STS: variants seen among roughly 807,000 people sequenced by gnomAD.
The protein encoded by STS is steroid sulfatase.
In STS, 7 loss-of-function variants were observed where a neutral mutation model predicts 26.8. The observed-to-expected ratio is 0.26, with a 90% CI of 0.15 to 0.49. STS has a LOEUF of 0.49. Among genes scored for constraint, STS ranks in the 20% least tolerant of loss-of-function variants. The pLI is 0.98. For synonymous variants in STS, 199 were observed against 189.4 expected, an observed-to-expected ratio of 1.05 and a Z score of -0.42; for missense variants, 434 against 465.6, an observed-to-expected ratio of 0.93 and a Z score of 0.63.
chrX:7,264,177 G>A (rs1280232347), intron 6 of STS, among the ~76,000 whole-genome samples: 1 of 111,499 alleles, frequency 9.0e-6, no homozygotes, highest in Admixed American at 9.5e-5. Flanking sequence ...AGTAACCATA[G>A]CTCCATCATG....
At position 7,352,172 on chromosome X, in the gene STS, C is replaced by G. The variant is rs1280414571; in HGVS notation, c.*1911C>G. ...GTCATGTGGAAACTATTTAAAGGCA[C>G]TATTATAAATTTATCCTATAAGATG... On this transcript the variant is annotated 3_prime_UTR_variant, in exon 11 of 11. Coordinates refer to ENST00000674429, the MANE Select transcript of STS (RefSeq NM_001320752.2). 6 of 111,616 alleles carry G rather than the reference C, an allele frequency of 5.4e-5. No homozygotes were observed. Among genetic ancestry groups the G allele is most frequent in the Admixed American group, 4.8e-4 (5 of 10,430 alleles). The allele number at this position is 111,616 out of a possible 1,213,427, so 9.2% of individuals were successfully genotyped here.
At chrX:7,209,430 A>G (rs1920977724) in intron 2 of STS, among the ~76,000 whole-genome samples, 2 of 105,980 alleles carry the variant, frequency 1.9e-5, no homozygotes. Context: ...TATACTTACT[A>G]TTATATAGTA....
intron 2 of STS, among the ~76,000 whole-genome samples, chrX:7,214,449 G>A (rs1921156636): frequency 8.9e-6 from 1 of 112,379 alleles, no homozygotes; most frequent in Non-Finnish European, 1.9e-5. Context: ...GGAAATCTGA[G>A]TCAGTACACT....
rs11385075 is a variant in STS, at chrX:7,193,451, C to CTT, written c.-5+2454_-5+2455dup. Among the ~76,000 whole-genome samples, 12 of 98,543 alleles carry CTT rather than the reference C, an allele frequency of 1.2e-4. No homozygotes were observed. In the South Asian group the frequency reaches 1.9e-3, roughly 15 times the overall value. The allele number at this position is 98,543 out of a possible 115,157, so 85.6% of individuals were successfully genotyped here. ...TTTTGCAGGGAAATGCTTTAAGTACCTTTTTTTTTTTTCGGTCATTTTAGT... is the reference window on the plus strand; with the variant it reads ...TTTTGCAGGGAAATGCTTTAAGTACCTTTTTTTTTTTTTTCGGTCATTTTAGT... On this transcript the variant is annotated intron_variant, in intron 2 of 10. Transcript: ENST00000674429.
At chrX:7,336,371 C>T (rs1027037764) in intron 10 of STS, among the ~76,000 whole-genome samples, 10 of 110,531 alleles carry the variant, frequency 9.0e-5, no homozygotes, top group African/African-American at 3.0e-4. Context: ...GCCAATTTAC[C>T]CAAGACTTAT....
intron 2 of STS, among the ~76,000 whole-genome samples, chrX:7,220,444 T>A (rs1284557282): frequency 9.1e-6 from 1 of 110,495 alleles, no homozygotes; most frequent in Non-Finnish European, 1.9e-5. Context: ...CCTTTCTCTC[T>A]TTTACAGACC....
intron 8 of STS, among the ~76,000 whole-genome samples, chrX:7,305,569 A>G (rs1252696584): frequency 8.9e-6 from 1 of 112,327 alleles, no homozygotes; most frequent in East Asian, 2.8e-4. Context: ...GAAGTTCAAG[A>G]TGGATATCTC....
chrX:7,247,112 T>C, intron 2 of STS, among the ~76,000 whole-genome samples: 1 of 112,342 alleles, frequency 8.9e-6, no homozygotes, highest in Non-Finnish European at 1.9e-5. Flanking sequence ...AATGTGACCA[T>C]CGAACACATC....
chrX:7,195,983 C>T (rs1449095525), intron 2 of STS, among the ~76,000 whole-genome samples: 1 of 112,300 alleles, frequency 8.9e-6, no homozygotes, highest in Non-Finnish European at 1.9e-5. Flanking sequence ...GCATCTTAGC[C>T]GTGATTTCTT....
At chrX:7,329,076 T>G (rs1339791824) in intron 9 of STS, among the ~76,000 whole-genome samples, 1 of 112,154 alleles carries the variant, frequency 8.9e-6, no homozygotes, top group Non-Finnish European at 1.9e-5. Context: ...GTAAAATGCC[T>G]TTGTCATCCT....
chrX:7,270,497 G>C (rs1924214829), intron 6 of STS, among the ~76,000 whole-genome samples: 1 of 111,871 alleles, frequency 8.9e-6, no homozygotes, highest in South Asian at 3.8e-4. Flanking sequence ...TTTCACTTCT[G>C]TTCCTGAATG....
At chrX:7,159,827 CT>C (rs1933206478) in intron 1 of STS, among the ~76,000 whole-genome samples, 1 of 112,110 alleles carries the variant, frequency 8.9e-6, no homozygotes, top group South Asian at 3.7e-4. Flanking sequence ...AGTTAAATAA[CT>C]TTTTTATGAT....
intron 1 of STS, among the ~76,000 whole-genome samples, chrX:7,153,382 C>G (rs1338601351): frequency 5.0e-5 from 5 of 99,685 alleles, no homozygotes; most frequent in Non-Finnish European, 8.2e-5. Flanking sequence ...CTCTCCCTCT[C>G]TCATTCCTTC....
chrX:7,178,832 A>C (rs1933623638), intron 1 of STS, among the ~76,000 whole-genome samples: 1 of 96,661 alleles, frequency 1.0e-5, no homozygotes, highest in South Asian at 4.8e-4. Context: ...GGCTTTCTCT[A>C]GTCCTTCTCA....
At chrX:7,273,500 C>T (rs1452303822) in intron 6 of STS, among the ~76,000 whole-genome samples, 2 of 111,689 alleles carry the variant, frequency 1.8e-5, no homozygotes, top group African/African-American at 6.5e-5. Context: ...TGGGTCCTAG[C>T]ACTCCCATTC....
chrX:7,208,188 A>G (rs1310181281), intron 2 of STS, among the ~76,000 whole-genome samples: 4 of 112,718 alleles, frequency 3.5e-5, no homozygotes, highest in African/African-American at 1.3e-4. Context: ...TCTCCAAGAG[A>G]TAATGAGTGT....
intron 8 of STS, among the ~76,000 whole-genome samples, chrX:7,323,788 C>T (rs1456779958): frequency 1.8e-5 from 2 of 111,618 alleles, no homozygotes; most frequent in Admixed American, 9.5e-5. Flanking sequence ...TTGCTGAAAG[C>T]TCTAGGGGAG....
chrX:7,194,516 C>T (rs1306191676), intron 2 of STS, among the ~76,000 whole-genome samples: 1 of 111,018 alleles, frequency 9.0e-6, no homozygotes, highest in Non-Finnish European at 1.9e-5. Flanking sequence ...ACAAGTCTAA[C>T]CTTGGGGCCG....
intron 1 of STS, among the ~76,000 whole-genome samples, chrX:7,155,833 A>G (rs1228317977): frequency 8.9e-6 from 1 of 111,916 alleles, no homozygotes; most frequent in South Asian, 3.7e-4. Flanking sequence ...CCTGCTATAT[A>G]TCGTTCCTCT....
Sources: allele counts gnomAD v4.1 joint callset (sites outside exome capture counted in the v4.1 genomes callset), GRCh38; gene constraint gnomAD v4.1.1; transcripts MANE v1.5; gene names NCBI Gene and HGNC (gene_info 2026-07-23, HGNC 2026-07-21).